The following C8orf34 variants were observed in gnomAD, a reference collection of about 807,000 sequenced individuals.
C8orf34 encodes the protein uncharacterized protein C8orf34.
In C8orf34, 65 loss-of-function variants were observed where a neutral mutation model predicts 68.3. That is an observed-to-expected ratio of 0.95 (90% CI 0.78 to 1.17). C8orf34 has a LOEUF of 1.17. Ranked by LOEUF, C8orf34 falls within the 50% of genes most tolerant of loss-of-function variation. The probability of loss-of-function intolerance (pLI) is 0.00; values close to 1 mark genes in which losing one functional copy is unlikely to be tolerated. For missense variants in C8orf34, 664 were observed against 655.4 expected (o/e 1.01, Z -0.14); for synonymous variants, 244 against 241.2 (o/e 1.01, Z -0.11).
chr8:68,420,146 A>C (rs1359220324), intron 1 of C8orf34, among the ~76,000 whole-genome samples: 3 of 106,150 alleles, frequency 2.8e-5, no homozygotes, highest in African/African-American at 7.3e-5. Flanking sequence ...GAGAGAATTA[A>C]CCCTTTTTAA....
At chr8:68,590,992 A>G (rs1817372311) in intron 7 of C8orf34, among the ~76,000 whole-genome samples, 7 of 152,150 alleles carry the variant, frequency 4.6e-5, no homozygotes, top group Admixed American at 3.3e-4. Flanking sequence ...CTATCTCACC[A>G]CCAAGGAGGC....
At position 68,749,415 on chromosome 8, in the gene C8orf34, G is replaced by A. The variant is rs548046904; in HGVS notation, c.1405-26984G>A. 2.4e-4 allele frequency among the ~76,000 whole-genome samples: 36 copies of A among 151,716 alleles called. No homozygotes were observed. The East Asian group carries it at 6.6e-3, about 28-fold the overall frequency. On this transcript the variant is annotated intron_variant, in intron 10 of 13. Coordinates refer to ENST00000518698, the MANE Select transcript of C8orf34 (RefSeq NM_052958.4). ...TAAAAAAAAGACAGAAAGAAACACA[G>A]AACAGAAAGGACAAATAGAAAGCAC...
At chr8:68,734,426 C>T (rs111595440) in intron 10 of C8orf34, among the ~76,000 whole-genome samples, 6 of 152,246 alleles carry the variant, frequency 3.9e-5, no homozygotes, top group Non-Finnish European at 7.3e-5. Context: ...CAGTGATCAA[C>T]GTGGGGAAAT....
intron 5 of C8orf34, among the ~76,000 whole-genome samples, chr8:68,501,921 A>G (rs911171944): frequency 5.9e-5 from 9 of 152,180 alleles, no homozygotes; most frequent in African/African-American, 2.2e-4. Context: ...TTTTGTTGTC[A>G]TGTTGCTTTC....
rs150583602 is a variant in C8orf34 at position 68,508,815 on chromosome 8, C to T, written c.766-12984C>T. Reference sequence around the variant, plus strand: ...TCTGGAAGCCATGGCGACAAAAATTCAGACTTGCAGACAATTTGAATGGTG... The same window carrying T: ...TCTGGAAGCCATGGCGACAAAAATTTAGACTTGCAGACAATTTGAATGGTG... On this transcript the variant is annotated intron_variant, in intron 5 of 13. Transcript: ENST00000518698. Among the ~76,000 whole-genome samples, 7 of 152,268 alleles carry T rather than the reference C, an allele frequency of 4.6e-5. 1 individual carries two copies. In the East Asian group the frequency reaches 1.4e-3, roughly 29 times the overall value.
intron 12 of C8orf34, among the ~76,000 whole-genome samples, chr8:68,797,223 G>A (rs150929729): frequency 1.6e-4 from 25 of 152,288 alleles, no homozygotes; most frequent in East Asian, 1.4e-3. Context: ...TGCTCTAAGC[G>A]CTTAGGAGAG....
chr8:68,450,173 C>T (rs1271673445), intron 3 of C8orf34, among the ~76,000 whole-genome samples: 5 of 152,140 alleles, frequency 3.3e-5, no homozygotes, highest in African/African-American at 1.2e-4. Flanking sequence ...ATCTCCTCAT[C>T]CATTCAATGT....
At chr8:68,646,875 A>G (rs1819190023) in intron 8 of C8orf34, among the ~76,000 whole-genome samples, 1 of 152,196 alleles carries the variant, frequency 6.6e-6, no homozygotes, top group Non-Finnish European at 1.5e-5. Flanking sequence ...AATGATGGAC[A>G]CCTGCAGTGG....
intron 7 of C8orf34, among the ~76,000 whole-genome samples, chr8:68,617,614 T>C (rs1254968524): frequency 1.3e-5 from 2 of 152,178 alleles, no homozygotes; most frequent in East Asian, 1.9e-4. Flanking sequence ...ATATTGGCCC[T>C]CACTCTGTTC....
At chr8:68,481,317 C>A (rs755050733) in intron 4 of C8orf34, among the ~76,000 whole-genome samples, 15 of 150,928 alleles carry the variant, frequency 9.9e-5, no homozygotes, top group Non-Finnish European at 1.5e-4. Context: ...GATGCCCAGG[C>A]AAAGATTGCT....
intron 8 of C8orf34, among the ~76,000 whole-genome samples, chr8:68,700,168 C>A (rs370716262): frequency 6.6e-6 from 1 of 151,784 alleles, no homozygotes; most frequent in Non-Finnish European, 1.5e-5. Flanking sequence ...AACAAACAAA[C>A]AAAAAAACTA....
At chr8:68,504,257 T>G (rs1380835299) in intron 5 of C8orf34, among the ~76,000 whole-genome samples, 1 of 152,240 alleles carries the variant, frequency 6.6e-6, no homozygotes, top group African/African-American at 2.4e-5. Context: ...TTGTTGTGTC[T>G]CAGTACTTCA....
intron 4 of C8orf34, among the ~76,000 whole-genome samples, chr8:68,475,509 G>A (rs1258629294): frequency 6.6e-6 from 1 of 152,090 alleles, no homozygotes; most frequent in Admixed American, 6.5e-5. Flanking sequence ...CCCTAGTCAG[G>A]CTTTCTTCAC....
At chr8:68,776,037 T>C (rs1187630984) in intron 10 of C8orf34, among the ~76,000 whole-genome samples, 2 of 152,082 alleles carry the variant, frequency 1.3e-5, no homozygotes, top group Non-Finnish European at 2.9e-5. Flanking sequence ...TCAGGATAAA[T>C]AGCTAATGCA....
At chr8:68,725,389 A>G (rs576662137) in intron 10 of C8orf34, among the ~76,000 whole-genome samples, 1 of 152,356 alleles carries the variant, frequency 6.6e-6, no homozygotes, top group Non-Finnish European at 1.5e-5. Flanking sequence ...TACTTAAAGT[A>G]GAAAAGAAAA....
At chr8:68,747,966 C>A (rs1476811467) in intron 10 of C8orf34, among the ~76,000 whole-genome samples, 2 of 151,918 alleles carry the variant, frequency 1.3e-5, no homozygotes, top group Non-Finnish European at 2.9e-5. Context: ...GGAGACATCA[C>A]ACTACCTGAC....
intron 1 of C8orf34, among the ~76,000 whole-genome samples, chr8:68,393,362 C>CA (rs1422883865): frequency 2.6e-5 from 4 of 150,950 alleles, no homozygotes; most frequent in Non-Finnish European, 5.9e-5. Context: ...CATTGTGAAG[C>CA]AAAAAAAATA....
At chr8:68,659,963 T>C (rs144261767) in intron 8 of C8orf34, among the ~76,000 whole-genome samples, 18 of 152,272 alleles carry the variant, frequency 1.2e-4, no homozygotes, top group African/African-American at 4.3e-4. Flanking sequence ...AAAAACACAA[T>C]TGACAAATAA....
chr8:68,711,697 C>A (rs975422417), intron 9 of C8orf34, among the ~76,000 whole-genome samples: 3 of 152,082 alleles, frequency 2.0e-5, no homozygotes, highest in African/African-American at 7.2e-5. Context: ...TGTTACATGT[C>A]CAAACCTAAG....
Sources: allele counts gnomAD v4.1 joint callset (sites outside exome capture counted in the v4.1 genomes callset), GRCh38; gene constraint gnomAD v4.1.1; transcripts MANE v1.5; gene names NCBI Gene and HGNC (gene_info 2026-07-23, HGNC 2026-07-21).